TLR3: variants seen among roughly 807,000 people sequenced by gnomAD.
TLR3 encodes the protein toll like receptor 3.
Under a neutral mutation model 66.4 loss-of-function variants are expected in TLR3, and 43 were observed. The observed-to-expected ratio is 0.65, with a 90% CI of 0.51 to 0.83. The LOEUF is 0.83. Among genes scored for constraint, TLR3 ranks in the 40% least tolerant of loss-of-function variants. The pLI, the probability that TLR3 is intolerant of heterozygous loss-of-function variation, is 0.00. For synonymous variants in TLR3, 397 were observed against 397.2 expected (o/e 1.00, Z 0.01); for missense variants, 982 against 1,044.6 (o/e 0.94, Z 0.83).
chr4:186,082,982 C>T lies in TLR3; in HGVS notation c.1296C>T (p.His432=), dbSNP rs150580873. Residue 432 remains histidine, a synonymous_variant, in exon 4 of 5, where the codon CAC becomes CAT. Transcript: ENST00000296795. ...GTGATGCTTTCTCTTGGTTGGGCCA[C>T]CTAGAAGTACTTGACCTGGGCCTTA... ...IESDAFSWLG[H]LEVLDLGLNE... The T allele has an allele frequency of 1.2e-6, 2 of 1,614,052 alleles. No homozygotes were observed. The highest frequency in any genetic ancestry group is 2.7e-5 in the African/African-American group (2 of 74,922).
intron 4 of TLR3, 52 bp downstream of exon 4, chr4:186,084,224 TC>T: frequency 1.3e-6 from 2 of 1,532,832 alleles, no homozygotes; most frequent in Admixed American, 3.7e-5. Context: ...CAATTAAATT[TC>T]TTTTTTTTTT....
chr4:186,076,563 G>T, intron 1 of TLR3, 50 bp from the exon 2 acceptor site: 1 of 1,557,478 alleles, frequency 6.4e-7, no homozygotes, highest in Non-Finnish European at 8.9e-7. Context: ...GCATTTGAAA[G>T]CCATCTGCTA....
Position 186,069,198 on chromosome 4 carries a change from A to G in TLR3, c.-58A>G, listed in dbSNP as rs1007069093. 1 of 152,010 alleles carries G rather than the reference A, an allele frequency of 6.6e-6. No homozygotes were observed. The highest frequency in any genetic ancestry group is 2.4e-5 in the African/African-American group (1 of 41,358). The allele number at this position is 152,010 out of a possible 1,614,324, so 9.4% of individuals were successfully genotyped here. ...CTATTTGCCACACACTTCCCTGATG[A>G]AATGTCTGGATTTGGACTAAAGAAA... On this transcript the variant is annotated 5_prime_UTR_variant, in exon 1 of 5. Transcript: ENST00000296795.
At position 186,082,374 on chromosome 4, in the gene TLR3, A is replaced by G. The variant is rs1489454616; in HGVS notation, c.688A>G (p.Asn230Asp). 6.2e-7 allele frequency: 1 copy of G among 1,614,016 alleles called. No homozygotes were observed. Among genetic ancestry groups the G allele is most frequent in the East Asian group, 2.2e-5 (1 of 44,876 alleles). ...IGRLFGLFLN[N>D]VQLGPSLTEK... Reference sequence around the variant, plus strand: ...AAGATTATTTGGCCTCTTTCTGAACAATGTCCAGCTGGGTCCCAGCCTTAC... The same window carrying G: ...AAGATTATTTGGCCTCTTTCTGAACGATGTCCAGCTGGGTCCCAGCCTTAC... The change falls in exon 4 of 5, where the codon AAT becomes GAT. Residue 230 changes from asparagine (N) to aspartate (D), a missense_variant. Physicochemically the swap from Asn to Asp is conservative, Grantham distance 23. Around this residue, in one of 3 missense-constraint regions of TLR3, gnomAD observed 313 missense variants for 319.0 expected, o/e 0.98. Coordinates refer to ENST00000296795, the MANE Select transcript of TLR3 (RefSeq NM_003265.3).
Position 186,082,540 on chromosome 4 carries a change from A to T in TLR3, c.854A>T (p.Asn285Ile), listed in dbSNP as rs1268612666. 5 of 1,614,148 alleles carry T rather than the reference A, an allele frequency of 3.1e-6. No individual in the cohort carries two copies. The highest frequency in any genetic ancestry group is 4.2e-6 in the Non-Finnish European group (5 of 1,180,036). ...NLTMLDLSYN[N>I]LNVVGNDSFA... is the part of the protein sequence containing the mutation. ...ACTATGCTCGATCTTTCCTACAACAACTTAAATGTGGTTGGTAACGATTCC... is the reference window on the plus strand; with the variant it reads ...ACTATGCTCGATCTTTCCTACAACATCTTAAATGTGGTTGGTAACGATTCC... The change falls in exon 4 of 5, where the codon AAC (asparagine) becomes ATC (isoleucine). Residue 285 changes from asparagine (N) to isoleucine (I), a missense_variant. Physicochemically the swap from Asn to Ile is moderately radical, Grantham distance 149. Transcript: ENST00000296795.
At chr4:186,077,176 C>T in intron 2 of TLR3, 116 bp downstream of exon 2, 1 of 1,077,678 alleles carries the variant, frequency 9.3e-7, no homozygotes, top group Non-Finnish European at 1.3e-6. Flanking sequence ...TCCAATTTGC[C>T]ACAAATATTG....
intron 1 of TLR3, among the ~76,000 whole-genome samples, chr4:186,070,547 G>A (rs909336326): frequency 6.6e-6 from 1 of 151,672 alleles, no homozygotes; most frequent in Non-Finnish European, 1.5e-5. Flanking sequence ...ACTATGGCCA[G>A]CTAATTTAAA....
rs934904004 is a variant in TLR3, at chr4:186,084,920, A to G, written c.*47A>G. On this transcript the variant is annotated 3_prime_UTR_variant, in exon 5 of 5. Coordinates refer to ENST00000296795, the MANE Select transcript of TLR3 (RefSeq NM_003265.3). ...GCAAAGGAGAAACTTTCTCAATTTA[A>G]AAAGTTCTATGGCAAATTTAAGTTT... 3.3e-6 allele frequency: 5 copies of G among 1,510,266 alleles called. No homozygotes were observed. The highest frequency in any genetic ancestry group is 4.7e-5 in the East Asian group (2 of 42,688). 93.6% of individuals were successfully genotyped at this position (1,510,266 alleles called of 1,614,324 possible). A position where few individuals can be genotyped will look rare whatever the true frequency, so the allele number is the denominator to read the frequency against.
chr4:186,075,272 A>G (rs1255142756), intron 1 of TLR3, among the ~76,000 whole-genome samples: 2 of 152,204 alleles, frequency 1.3e-5, no homozygotes, highest in African/African-American at 4.8e-5. Context: ...AGTAGGTGAT[A>G]AGAATTTTTC....
chr4:186,084,726 A>C lies in TLR3; in HGVS notation c.2568A>C (p.Pro856=), dbSNP rs571252213. The change falls in exon 5 of 5, where the codon CCA becomes CCC. Residue 856 remains proline (P), a synonymous_variant. Transcript: ENST00000296795. ...SIILVFLEEI[P]DYKLNHALCL... Reference sequence around the variant, plus strand: ...TATTGGTTTTCCTTGAGGAGATTCCAGATTATAAACTGAACCATGCACTCT... The same window carrying C: ...TATTGGTTTTCCTTGAGGAGATTCCCGATTATAAACTGAACCATGCACTCT... 1.5e-5 allele frequency: 24 copies of C among 1,614,126 alleles called. No homozygotes were observed. In the South Asian group the frequency reaches 2.5e-4, roughly 17 times the overall value.
chr4:186,078,285 T>A (rs544164373), intron 2 of TLR3, among the ~76,000 whole-genome samples: 1 of 152,274 alleles, frequency 6.6e-6, no homozygotes, highest in East Asian at 1.9e-4. Flanking sequence ...ACAGTACTGA[T>A]AAAGCAAACA....
chr4:186,084,869 A>C lies in TLR3; in HGVS notation c.2711A>C (p.His904Pro). ...QVALGSKNSV[H>P] is the part of the protein sequence containing the mutation. Reference sequence around the variant, plus strand: ...GCACTTGGATCCAAAAACTCTGTACATTAAATTTATTTAAATATTCAATTA... The same window carrying C: ...GCACTTGGATCCAAAAACTCTGTACCTTAAATTTATTTAAATATTCAATTA... The change falls in exon 5 of 5, where the codon CAT becomes CCT. Residue 904 changes from histidine to proline, a missense_variant. His to Pro is a moderately conservative substitution (Grantham distance 77). Transcript: ENST00000296795. The C allele has an allele frequency of 6.2e-7, 1 of 1,609,952 alleles. No individual in the cohort carries two copies. The highest frequency in any genetic ancestry group is 1.3e-5 in the African/African-American group (1 of 74,954).
chr4:186,073,846 C>T (rs1486625055), intron 1 of TLR3, among the ~76,000 whole-genome samples: 1 of 152,050 alleles, frequency 6.6e-6, no homozygotes, highest in Non-Finnish European at 1.5e-5. Flanking sequence ...AGGACTGACA[C>T]TCAGATACAT....
chr4:186,083,277 A>G lies in TLR3; in HGVS notation c.1591A>G (p.Lys531Glu). The G allele has an allele frequency of 6.2e-7, 1 of 1,614,220 alleles. No individual in the cohort carries two copies. Among genetic ancestry groups the G allele is most frequent in the Non-Finnish European group, 8.5e-7 (1 of 1,180,022 alleles). The change falls in exon 4 of 5, where the codon AAA becomes GAA. Residue 531 changes from lysine (K) to glutamate (E), a missense_variant. Around this residue, in one of 3 missense-constraint regions of TLR3, gnomAD observed 666 missense variants for 709.0 expected, o/e 0.94. Coordinates refer to ENST00000296795, the MANE Select transcript of TLR3 (RefSeq NM_003265.3). This position sits in a 1 kb window ranked among gnomAD's most constrained non-coding sequence, Gnocchi z 4.0. Reference sequence around the variant, plus strand: ...TGATGACATGTTGGAGGGTCTTGAGAAACTAGAAATTCTCGATTTGCAGCA... The same window carrying G: ...TGATGACATGTTGGAGGGTCTTGAGGAACTAGAAATTCTCGATTTGCAGCA... ...INDDMLEGLE[K>E]LEILDLQHNN...
In TLR3 at chr4:186,083,212, C is replaced by T; in HGVS notation, c.1526C>T (p.Thr509Ile). The change falls in exon 4 of 5, where the codon ACC (threonine) becomes ATC (isoleucine). Residue 509 changes from threonine to isoleucine, a missense_variant. By Grantham distance (89) the Thr-to-Ile change is moderately conservative. Transcript: ENST00000296795. The surrounding 1 kb of genome is among the most constrained non-coding windows in gnomAD (Gnocchi z 4.0). ...CCATTCCAGCCTCTTCGTAACTTGA[C>T]CATTCTGGATCTAAGCAACAACAAC... ...PSPFQPLRNL[T>I]ILDLSNNNIA... The T allele has an allele frequency of 6.2e-7, 1 of 1,614,218 alleles. No homozygotes were observed. Among genetic ancestry groups the T allele is most frequent in the East Asian group, 2.2e-5 (1 of 44,892 alleles).
chr4:186,076,390 G>A (rs947959995), intron 1 of TLR3, among the ~76,000 whole-genome samples: 1 of 152,160 alleles, frequency 6.6e-6, no homozygotes, highest in Non-Finnish European at 1.5e-5. Context: ...TGAAGGATAG[G>A]AAGGAAGTTT....
Position 186,085,008 on chromosome 4 carries a change from C to A in TLR3, c.*135C>A. 1 of 739,024 alleles carries A rather than the reference C, an allele frequency of 1.4e-6. No homozygotes were observed. Among genetic ancestry groups the A allele is most frequent in the Non-Finnish European group, 2.2e-6 (1 of 446,996 alleles). The allele number at this position is 739,024 out of a possible 1,614,324, so 45.8% of individuals were successfully genotyped here. A position where few individuals can be genotyped will look rare whatever the true frequency, so the allele number is the denominator to read the frequency against. On this transcript the variant is annotated 3_prime_UTR_variant, in exon 5 of 5. Coordinates refer to ENST00000296795, the MANE Select transcript of TLR3 (RefSeq NM_003265.3). ...AAATGATTATATTCTATCACAATTACATCTCTTCTAGGAAAATGTGTCTCC... is the reference window on the plus strand; with the variant it reads ...AAATGATTATATTCTATCACAATTAAATCTCTTCTAGGAAAATGTGTCTCC...
At chr4:186,071,966 CCA>C (rs1265832672) in intron 1 of TLR3, among the ~76,000 whole-genome samples, 1 of 152,206 alleles carries the variant, frequency 6.6e-6, no homozygotes, top group Non-Finnish European at 1.5e-5. Context: ...GTTGATCACA[CCA>C]CAGAGTATCA....
intron 1 of TLR3, among the ~76,000 whole-genome samples, chr4:186,069,641 C>T (rs2099301098): frequency 6.6e-6 from 1 of 152,154 alleles, no homozygotes; most frequent in Admixed American, 6.5e-5. Flanking sequence ...AAGAGCGTAT[C>T]CCCTTTTGTT....
Sources: gnomAD v4.1 joint callset for allele counts (sites outside exome capture counted in the v4.1 genomes callset) on GRCh38, gnomAD v4.1.1 for gene constraint, gnomAD v4.1.1 regional missense constraint, Gnocchi (gnomAD v3.1) non-coding constraint, MANE v1.5 for transcripts, NCBI Gene and HGNC (gene_info 2026-07-23, HGNC 2026-07-21) for gene names.